The following AMBP variants were observed in gnomAD, a reference collection of about 807,000 sequenced individuals.
AMBP encodes alpha-1-microglobulin/bikunin precursor.
In AMBP, 37 loss-of-function variants were observed where a neutral mutation model predicts 46.3. That is an observed-to-expected ratio of 0.80 (90% CI 0.61 to 1.05). The LOEUF is 1.05. AMBP is among the 50% of genes least tolerant of loss of function. The pLI, the probability that AMBP is intolerant of heterozygous loss-of-function variation, is 0.00. For missense variants in AMBP, 475 were observed against 461.2 expected (o/e 1.03, Z -0.27); for synonymous variants, 174 against 175.9 (o/e 0.99, Z 0.09).
chr9:114,066,082 G>A lies in AMBP; in HGVS notation c.604-3324C>T, dbSNP rs559748288. ...GGAGCCATCTTACCCAAGGTCATGCGCACCTCCCAGACTGATCAACACAGG... is the reference window on the plus strand; with the variant it reads ...GGAGCCATCTTACCCAAGGTCATGCACACCTCCCAGACTGATCAACACAGG... On this transcript the variant is annotated intron_variant, in intron 6 of 9. Transcript: ENST00000265132. Among the ~76,000 whole-genome samples, 9 of 152,216 alleles carry A rather than the reference G, an allele frequency of 5.9e-5. No individual in the cohort carries two copies. In the South Asian group the frequency reaches 8.3e-4, roughly 14 times the overall value.
At chr9:114,068,528 C>T (rs1259814665) in intron 6 of AMBP, among the ~76,000 whole-genome samples, 1 of 151,862 alleles carries the variant, frequency 6.6e-6, no homozygotes, top group Non-Finnish European at 1.5e-5. Flanking sequence ...ATCACTTGAA[C>T]CCGGGAGGCG....
At chr9:114,073,661 G>A (rs1846770300) in intron 4 of AMBP, among the ~76,000 whole-genome samples, 1 of 151,990 alleles carries the variant, frequency 6.6e-6, no homozygotes, top group Admixed American at 6.6e-5. Flanking sequence ...ACTATGCCCA[G>A]CTAATTCTTT....
chr9:114,076,339 A>C (rs1846806614), intron 2 of AMBP, among the ~76,000 whole-genome samples: 2 of 152,002 alleles, frequency 1.3e-5, no homozygotes, highest in Non-Finnish European at 2.9e-5. Context: ...GGGGGGCTGA[A>C]GTACCCACAC....
rs1297916722 is a variant in AMBP, at chr9:114,060,896, C to T, written c.1027+29G>A. ...ACCTCGACTCCAACAGCCCCTCGGC[C>T]CAGCCTGGCACCCTGCAGGGCTGCC... On this transcript the variant is annotated intron_variant, in intron 9 of 9. Transcript: ENST00000265132. The T allele has an allele frequency of 4.4e-6, 7 of 1,602,010 alleles. No homozygotes were observed. In the Admixed American group the frequency reaches 5.1e-5, roughly 12 times the overall value.
chr9:114,076,845 T>C (rs532541592), intron 1 of AMBP, 105 bp from the exon 2 acceptor site: 7 of 1,376,368 alleles, frequency 5.1e-6, no homozygotes, highest in South Asian at 2.8e-5. Context: ...TCCTCCTCCT[T>C]CTCCTCAAAA....
Position 114,061,022 on chromosome 9 carries a change from C to G in AMBP, c.930G>C (p.Gly310=). The change falls in exon 9 of 10, where the codon GGG becomes GGC. Residue 310 remains glycine, a synonymous_variant. Coordinates refer to ENST00000265132, the MANE Select transcript of AMBP (RefSeq NM_001633.4). Reference sequence around the variant, plus strand: ...CCCCGTAGGGGAAGAGGACGCACTTCCCCTTGACAGCATCAAATGCCCAGA... The same window carrying G: ...CCCCGTAGGGGAAGAGGACGCACTTGCCCTTGACAGCATCAAATGCCCAGA... The part of the protein sequence containing the change: ...IQLWAFDAVK[G]KCVLFPYGGC... 6.2e-7 allele frequency: 1 copy of G among 1,614,244 alleles called. No individual in the cohort carries two copies. The highest frequency in any genetic ancestry group is 8.5e-7 in the Non-Finnish European group (1 of 1,180,044).
At chr9:114,074,814 G>A (rs979009210) in intron 3 of AMBP, 146 bp downstream of exon 3, 5 of 675,888 alleles carry the variant, frequency 7.4e-6, no homozygotes, top group Non-Finnish European at 1.3e-5. Context: ...GAAGGAGGAG[G>A]AGGAAGAGGA....
At chr9:114,063,269 C>A (rs1306172231) in intron 6 of AMBP, among the ~76,000 whole-genome samples, 1 of 152,062 alleles carries the variant, frequency 6.6e-6, no homozygotes, top group East Asian at 1.9e-4. Flanking sequence ...CAGAGCAGGG[C>A]AGGCTGCCAA....
chr9:114,078,227 C>T lies in AMBP; in HGVS notation c.-18G>A. On this transcript the variant is annotated 5_prime_UTR_variant, in exon 1 of 10. Transcript: ENST00000265132. ...CTCCTCATGGCTATGGGCTCCTCTG[C>T]CTTGGTATATCCCACAGGCTCGGTC... 1 of 1,608,586 alleles carries T rather than the reference C, an allele frequency of 6.2e-7. No individual in the cohort carries two copies. The highest frequency in any genetic ancestry group is 8.5e-7 in the Non-Finnish European group (1 of 1,178,136).
At chr9:114,067,313 C>G (rs1286857507) in intron 6 of AMBP, among the ~76,000 whole-genome samples, 1 of 152,150 alleles carries the variant, frequency 6.6e-6, no homozygotes, top group Non-Finnish European at 1.5e-5. Context: ...TCATAGCTCA[C>G]TGTAACCTAG....
chr9:114,072,095 C>T (rs1421206948), intron 5 of AMBP, among the ~76,000 whole-genome samples: 1 of 152,224 alleles, frequency 6.6e-6, no homozygotes, highest in Non-Finnish European at 1.5e-5. Flanking sequence ...ACAAACAGGG[C>T]TGAAACATGC....
At chr9:114,078,031 G>A in intron 1 of AMBP, 62 bp downstream of exon 1, 1 of 1,546,392 alleles carries the variant, frequency 6.5e-7, no homozygotes, top group Non-Finnish European at 8.9e-7. Context: ...TGCCCAGCAG[G>A]GCCCATCTGC....
At chr9:114,060,455 A>G (rs1310182970) in intron 9 of AMBP, among the ~76,000 whole-genome samples, 185 bp from the exon 10 acceptor site, 1 of 152,170 alleles carries the variant, frequency 6.6e-6, no homozygotes, top group East Asian at 1.9e-4. Context: ...TTCCAGTGGG[A>G]AAATCAAGGC....
At chr9:114,063,632 A>G (rs1325469425) in intron 6 of AMBP, among the ~76,000 whole-genome samples, 1 of 152,234 alleles carries the variant, frequency 6.6e-6, no homozygotes, top group Non-Finnish European at 1.5e-5. Flanking sequence ...TCTGGAATTC[A>G]GGTTGATGGC....
chr9:114,070,581 G>A (rs1417914144), intron 5 of AMBP, among the ~76,000 whole-genome samples: 1 of 152,232 alleles, frequency 6.6e-6, no homozygotes, highest in Non-Finnish European at 1.5e-5. Flanking sequence ...GTTGGGCAGA[G>A]AGGGCCCCTG....
At chr9:114,067,291 G>A (rs1180197289) in intron 6 of AMBP, among the ~76,000 whole-genome samples, 1 of 152,106 alleles carries the variant, frequency 6.6e-6, no homozygotes, top group Non-Finnish European at 1.5e-5. Context: ...AGGCTAGAGT[G>A]CAGTGGCACA....
chr9:114,072,386 G>C (rs1390061944), intron 5 of AMBP, among the ~76,000 whole-genome samples: 1 of 152,228 alleles, frequency 6.6e-6, no homozygotes, highest in African/African-American at 2.4e-5. Context: ...TTTGACTGCA[G>C]TGGCTGGACC....
At chr9:114,076,127 G>C (rs1846804344) in intron 2 of AMBP, among the ~76,000 whole-genome samples, 1 of 152,086 alleles carries the variant, frequency 6.6e-6, no homozygotes, top group Non-Finnish European at 1.5e-5. Context: ...GGGATGGGGT[G>C]GAAGGGTGGA....
At chr9:114,066,657 G>A (rs1388450266) in intron 6 of AMBP, among the ~76,000 whole-genome samples, 1 of 152,022 alleles carries the variant, frequency 6.6e-6, no homozygotes, top group African/African-American at 2.4e-5. Flanking sequence ...CTGCACAAAG[G>A]AATGACTGCT....
Sources: allele counts gnomAD v4.1 joint callset (sites outside exome capture counted in the v4.1 genomes callset), GRCh38; gene constraint gnomAD v4.1.1; transcripts MANE v1.5; gene names NCBI Gene and HGNC (gene_info 2026-07-23, HGNC 2026-07-21).